The following KCNIP4 variants were observed in gnomAD, a reference collection of about 807,000 sequenced individuals.
The protein encoded by KCNIP4 is Kv channel-interacting protein 4.
In KCNIP4, 12 loss-of-function variants were observed where a neutral mutation model predicts 34.0. The observed-to-expected ratio is 0.35, with a 90% CI of 0.23 to 0.57. The LOEUF is 0.57. Ranked by LOEUF, KCNIP4 falls within the 20% of genes least tolerant of loss-of-function variation. The probability of loss-of-function intolerance (pLI) is 0.83; values close to 1 mark genes in which losing one functional copy is unlikely to be tolerated. For synonymous variants in KCNIP4, 124 were observed against 102.2 expected, an observed-to-expected ratio of 1.21 and a Z score of -1.29; for missense variants, 238 against 311.7, an observed-to-expected ratio of 0.76 and a Z score of 1.78.
chr4:21,558,252 G>A (rs971454028), intron 1 of KCNIP4, among the ~76,000 whole-genome samples: 1 of 152,154 alleles, frequency 6.6e-6, no homozygotes. Flanking sequence ...AGCACTTTGG[G>A]AGGCCAAGGT....
intron 1 of KCNIP4, among the ~76,000 whole-genome samples, chr4:21,028,302 TGAACCTTTTAAAATAGAA>T (rs1740722917): frequency 6.6e-6 from 1 of 152,032 alleles, no homozygotes; most frequent in Non-Finnish European, 1.5e-5. Context: ...AGAAGTAGAG[TGAACCTTTTAAAATAGAA>T]GTCAGATCTT....
chr4:21,558,788 T>C (rs1005317562), intron 1 of KCNIP4, among the ~76,000 whole-genome samples: 1 of 152,186 alleles, frequency 6.6e-6, no homozygotes, highest in Non-Finnish European at 1.5e-5. Context: ...GCAAAGATTA[T>C]GTAGATTTTG....
At chr4:20,922,583 A>G (rs941092723) in intron 1 of KCNIP4, among the ~76,000 whole-genome samples, 1 of 142,998 alleles carries the variant, frequency 7.0e-6, no homozygotes, top group Non-Finnish European at 1.5e-5. Flanking sequence ...CTATCTATCT[A>G]TCTCCTATTG....
chr4:21,512,706 C>A (rs1734436366), intron 1 of KCNIP4, among the ~76,000 whole-genome samples: 1 of 152,120 alleles, frequency 6.6e-6, no homozygotes, highest in East Asian at 1.9e-4. Context: ...TAACAAGCAT[C>A]TTATGTTTGC....
At chr4:20,805,220 G>C (rs1210952281) in intron 3 of KCNIP4, among the ~76,000 whole-genome samples, 1 of 103,232 alleles carries the variant, frequency 9.7e-6, no homozygotes, top group African/African-American at 3.8e-5. Context: ...TTTTTTTAAA[G>C]AGGCAGGGTC....
chr4:20,803,709 G>GGGAGAGAGAGAGAGAA, intron 3 of KCNIP4, among the ~76,000 whole-genome samples: 1 of 115,940 alleles, frequency 8.6e-6, no homozygotes, highest in East Asian at 2.7e-4. Context: ...GAGAAAGAGA[G>GGGAGAGAGAGAGAGAA]AGAGAGAGAG....
chr4:21,815,177 C>T (rs1227245367), intron 1 of KCNIP4, among the ~76,000 whole-genome samples: 1 of 152,128 alleles, frequency 6.6e-6, no homozygotes, highest in Non-Finnish European at 1.5e-5. Context: ...TCTCAGCCAC[C>T]AACTAGCTAG....
intron 1 of KCNIP4, among the ~76,000 whole-genome samples, chr4:21,636,528 C>T (rs770641456): frequency 2.0e-5 from 3 of 152,098 alleles, no homozygotes; most frequent in Non-Finnish European, 4.4e-5. Flanking sequence ...TGTACTTAAA[C>T]ACCTGGTGTG....
intron 1 of KCNIP4, chr4:21,697,811 G>A: frequency 4.0e-6 from 1 of 248,502 alleles, no homozygotes; most frequent in Non-Finnish European, 6.8e-6. Flanking sequence ...GGCGGGGCCT[G>A]CGATGCCAGC....
chr4:21,050,368 CCT>C (rs1486414772), intron 1 of KCNIP4, among the ~76,000 whole-genome samples: 1 of 151,854 alleles, frequency 6.6e-6, no homozygotes, highest in Admixed American at 6.6e-5. Flanking sequence ...AATTTATCCC[CCT>C]GTTCCATATC....
intron 1 of KCNIP4, among the ~76,000 whole-genome samples, chr4:21,141,594 A>C (rs1332956420): frequency 6.6e-6 from 1 of 152,176 alleles, no homozygotes; most frequent in Non-Finnish European, 1.5e-5. Flanking sequence ...AAACATGTAG[A>C]GTCTACTGTG....
chr4:21,580,486 A>G (rs1741123481), intron 1 of KCNIP4, among the ~76,000 whole-genome samples: 1 of 152,162 alleles, frequency 6.6e-6, no homozygotes, highest in African/African-American at 2.4e-5. Context: ...GGATTGCTTA[A>G]TATCAGCTAG....
At chr4:21,018,997 T>C (rs1739803201) in intron 1 of KCNIP4, among the ~76,000 whole-genome samples, 1 of 152,162 alleles carries the variant, frequency 6.6e-6, no homozygotes. Context: ...AAGTGTATTT[T>C]CTCACTCTTC....
Position 21,362,828 on chromosome 4 carries a change from C to T in KCNIP4, c.62-480119G>A, listed in dbSNP as rs377751425. Among the ~76,000 whole-genome samples, 25 of 152,228 alleles carry T rather than the reference C, an allele frequency of 1.6e-4. No homozygotes were observed. The South Asian group carries it at 4.6e-3, about 28-fold the overall frequency. On this transcript the variant is annotated intron_variant, in intron 1 of 8. Transcript: ENST00000382152. Reference sequence around the variant, plus strand: ...GAAATGCAGACTAGGTAGCCCTTATCCCGCCGTTTATATGCATCCTTCCTG... The same window carrying T: ...GAAATGCAGACTAGGTAGCCCTTATTCCGCCGTTTATATGCATCCTTCCTG...
At chr4:21,032,600 A>G (rs2149766126) in intron 1 of KCNIP4, among the ~76,000 whole-genome samples, 1 of 152,270 alleles carries the variant, frequency 6.6e-6, no homozygotes, top group Middle Eastern at 3.4e-3. Flanking sequence ...AGTCCTAGAA[A>G]AAAAATTGCT....
chr4:21,231,519 A>G (rs1396013113), intron 1 of KCNIP4, among the ~76,000 whole-genome samples: 1 of 152,160 alleles, frequency 6.6e-6, no homozygotes, highest in Admixed American at 6.6e-5. Flanking sequence ...TTATTAAAAT[A>G]CATTGTAAAG....
intron 1 of KCNIP4, among the ~76,000 whole-genome samples, chr4:21,804,110 G>C (rs1162698215): frequency 6.6e-6 from 1 of 152,196 alleles, no homozygotes; most frequent in Non-Finnish European, 1.5e-5. Context: ...CCTCTCAACT[G>C]GGGACTGTGA....
intron 1 of KCNIP4, among the ~76,000 whole-genome samples, chr4:21,654,798 C>T (rs1262497099): frequency 3.3e-5 from 5 of 152,100 alleles, no homozygotes; most frequent in Non-Finnish European, 5.9e-5. Context: ...GTGGCTGACG[C>T]CTGTAGTCCC....
intron 1 of KCNIP4, among the ~76,000 whole-genome samples, chr4:21,504,465 C>CAAAAAAAAAAAAAAAAAAAAAAAAAA (rs376644707): frequency 2.3e-4 from 13 of 56,290 alleles, no homozygotes; most frequent in African/African-American, 3.4e-4. Flanking sequence ...GACTCCAACT[C>CAAAAAAAAAAAAAAAAAAAAAAAAAA]AAAAAAAAAA....
Sources: gnomAD v4.1 joint callset for allele counts (sites outside exome capture counted in the v4.1 genomes callset) on GRCh38, gnomAD v4.1.1 for gene constraint, MANE v1.5 for transcripts, NCBI Gene and HGNC (gene_info 2026-07-23, HGNC 2026-07-21) for gene names.